CARD6: variants seen among roughly 807,000 people sequenced by gnomAD.
CARD6 encodes the protein caspase recruitment domain-containing protein 6.
Under a neutral mutation model 23.6 loss-of-function variants are expected in CARD6, and 27 were observed. The observed-to-expected ratio is 1.14, with a 90% confidence interval of 0.84 to 1.58. The LOEUF (loss-of-function observed/expected upper bound fraction) is 1.58. Among genes scored for constraint, CARD6 ranks in the 40% most tolerant of loss-of-function variants. CARD6 has a pLI of 0.00. For synonymous variants in CARD6, 397 were observed against 431.8 expected (o/e 0.92, Z 1.00); for missense variants, 1,214 against 1,209.9 (o/e 1.00, Z -0.05).
intron 2 of CARD6, among the ~76,000 whole-genome samples, chr5:40,849,823 A>C (rs999197303): frequency 1.3e-5 from 2 of 152,012 alleles, no homozygotes; most frequent in Admixed American, 1.3e-4. Flanking sequence ...AAATGAAGAA[A>C]TGAAAAGTTA....
Position 40,853,152 on chromosome 5 carries a change from T to C in CARD6, c.1820T>C (p.Leu607Pro). Residue 607 changes from leucine (L) to proline (P), a missense_variant, in exon 3 of 3, where the codon CTA becomes CCA. Physicochemically the swap from Leu to Pro is moderately conservative, Grantham distance 98 (BLOSUM62 -3). Coordinates refer to ENST00000254691, the MANE Select transcript of CARD6 (RefSeq NM_032587.4). ...ATACTGAACTTGAAGCCAGCACAGC[T>C]ACTGTTTTGGGAGAGGGGAGATGCT... ...QRILNLKPAQ[L>P]LFWERGDAGD... 6.2e-7 allele frequency: 1 copy of C among 1,614,178 alleles called. No homozygotes were observed. The highest frequency in any genetic ancestry group is 1.1e-5 in the South Asian group (1 of 91,082).
chr5:40,852,259 C>G lies in CARD6; in HGVS notation c.927C>G (p.Phe309Leu), dbSNP rs772684643. 1.9e-6 allele frequency: 3 copies of G among 1,614,130 alleles called. No individual in the cohort carries two copies. In the South Asian group the frequency reaches 3.3e-5, roughly 18 times the overall value. ...TTCTGCCAGATTTTGTTAAACAATTCTCCTTAGATCGAGGATGTAAGTGGA... is the reference window on the plus strand; with the variant it reads ...TTCTGCCAGATTTTGTTAAACAATTGTCCTTAGATCGAGGATGTAAGTGGA... ...RKVLPDFVKQ[F>L]SLDRGCKWTP... Residue 309 changes from phenylalanine (F) to leucine (L), a missense_variant, in exon 3 of 3, where the codon TTC becomes TTG. Coordinates refer to ENST00000254691, the MANE Select transcript of CARD6 (RefSeq NM_032587.4).
chr5:40,853,061 G>A lies in CARD6; in HGVS notation c.1729G>A (p.Glu577Lys), dbSNP rs755991208. The A allele has an allele frequency of 1.9e-6, 3 of 1,614,054 alleles. No homozygotes were observed. The highest frequency in any genetic ancestry group is 2.2e-5 in the East Asian group (1 of 44,896). Residue 577 changes from glutamate to lysine, a missense_variant, in exon 3 of 3, where the codon GAA becomes AAA. By Grantham distance (56) the Glu-to-Lys change is moderately conservative. Coordinates refer to ENST00000254691, the MANE Select transcript of CARD6 (RefSeq NM_032587.4). ...AATGTTTTTAGGAGAGGCTGCCATT[G>A]AAAGATGCTACTTTGTTCTCAGTTC... is the stretch of plus-strand genomic sequence containing the variant. The part of the protein sequence containing the change: ...LLMFLGEAAI[E>K]RCYFVLSSQA...
rs1746083191 is a variant in CARD6 at position 40,852,400 on chromosome 5, G to A, written c.1068G>A (p.Glu356=). ...SHKVLDEDSK[E]DLLAGVENLE... ...AGGTTCTGGATGAAGATAGCAAGGA[G>A]GATTTGCTGGCTGGAGTGGAGAATT... Residue 356 remains glutamate, a synonymous_variant, in exon 3 of 3, where the codon GAG becomes GAA. Coordinates refer to ENST00000254691, the MANE Select transcript of CARD6 (RefSeq NM_032587.4). The A allele has an allele frequency of 6.2e-7, 1 of 1,614,100 alleles. No homozygotes were observed. The highest frequency in any genetic ancestry group is 8.5e-7 in the Non-Finnish European group (1 of 1,179,980).
At position 40,852,458 on chromosome 5, in the gene CARD6, C is replaced by T. The variant is rs1746085160; in HGVS notation, c.1126C>T (p.Leu376Phe). 3.7e-6 allele frequency: 6 copies of T among 1,614,176 alleles called. No individual in the cohort carries two copies. The highest frequency in any genetic ancestry group is 2.2e-5 in the East Asian group (1 of 44,888). Residue 376 changes from leucine to phenylalanine, a missense_variant, in exon 3 of 3, where the codon CTT becomes TTT. Transcript: ENST00000254691. ...TCGAGACATACAAACCATTAATCCC[C>T]TTGACGTGCTTTGTGCCACCATGCT... ...EIRDIQTINPLDVLCATMLCS... is the reference protein window; with the variant it reads ...EIRDIQTINPFDVLCATMLCS...
At chr5:40,848,290 G>A (rs1358511327) in intron 2 of CARD6, among the ~76,000 whole-genome samples, 1 of 148,744 alleles carries the variant, frequency 6.7e-6, no homozygotes, top group Non-Finnish European at 1.5e-5. Flanking sequence ...GCTCACTGCA[G>A]CCTCAGTCTC....
chr5:40,851,457 C>T (rs982450130), intron 2 of CARD6, among the ~76,000 whole-genome samples: 6 of 152,072 alleles, frequency 3.9e-5, no homozygotes, highest in South Asian at 2.1e-4. Flanking sequence ...CCCCTAAAAA[C>T]GAAGCTGACT....
chr5:40,853,068 G>C lies in CARD6; in HGVS notation c.1736G>C (p.Cys579Ser), dbSNP rs149257124. The C allele has an allele frequency of 4.3e-6, 7 of 1,614,126 alleles. No individual in the cohort carries two copies. Among genetic ancestry groups the C allele is most frequent in the Non-Finnish European group, 5.9e-6 (7 of 1,180,020 alleles). ...TTAGGAGAGGCTGCCATTGAAAGAT[G>C]CTACTTTGTTCTCAGTTCCCAAGCC... Reference protein sequence around the residue: ...MFLGEAAIERCYFVLSSQARE... With the variant: ...MFLGEAAIERSYFVLSSQARE... Residue 579 changes from cysteine to serine, a missense_variant, in exon 3 of 3, where the codon TGC becomes TCC. By Grantham distance (112) the Cys-to-Ser change is moderately radical (BLOSUM62 -1). Transcript: ENST00000254691.
chr5:40,848,243 T>C (rs1221312261), intron 2 of CARD6, among the ~76,000 whole-genome samples: 2 of 148,386 alleles, frequency 1.3e-5, no homozygotes, highest in Non-Finnish European at 3.0e-5. Context: ...AGAGTCTTAC[T>C]CTGTTGCTCA....
intron 2 of CARD6, among the ~76,000 whole-genome samples, chr5:40,846,453 T>A (rs1280613485): frequency 6.6e-6 from 1 of 152,106 alleles, no homozygotes; most frequent in Non-Finnish European, 1.5e-5. Flanking sequence ...TCTGTATCTG[T>A]TTCCTAGGGC....
intron 2 of CARD6, among the ~76,000 whole-genome samples, chr5:40,851,043 A>T (rs1460144308): frequency 1.3e-5 from 2 of 152,116 alleles, no homozygotes; most frequent in African/African-American, 4.8e-5. Context: ...TGTAAAAAAA[A>T]ATAGCATGGG....
rs763376155 is a variant in CARD6 at position 40,852,677 on chromosome 5, C to T, written c.1345C>T (p.Leu449Phe). 6.2e-7 allele frequency: 1 copy of T among 1,614,174 alleles called. No homozygotes were observed. Among genetic ancestry groups the T allele is most frequent in the East Asian group, 2.2e-5 (1 of 44,880 alleles). The stretch of plus-strand genomic sequence containing the variant: ...AGAGGATACAGAAAAGTTTCTGACT[C>T]TCATGAAGATGCCTGTCATCTCTTT... Reference protein sequence around the residue: ...PTEDTEKFLTLMKMPVISFVR... With the variant: ...PTEDTEKFLTFMKMPVISFVR... The change falls in exon 3 of 3, where the codon CTC becomes TTC. Residue 449 changes from leucine to phenylalanine, a missense_variant. Physicochemically the swap from Leu to Phe is conservative, Grantham distance 22. Transcript: ENST00000254691.
At chr5:40,842,962 C>T (rs1326317062) in intron 1 of CARD6, among the ~76,000 whole-genome samples, 190 bp from the exon 2 acceptor site, 4 of 152,086 alleles carry the variant, frequency 2.6e-5, no homozygotes, top group Admixed American at 1.3e-4. Context: ...CACCTGAACC[C>T]GGGAGGTTGA....
Position 40,843,401 on chromosome 5 carries a change from A to G in CARD6, c.533A>G (p.Tyr178Cys). 6.2e-7 allele frequency: 1 copy of G among 1,614,132 alleles called. No homozygotes were observed. Among genetic ancestry groups the G allele is most frequent in the Non-Finnish European group, 8.5e-7 (1 of 1,179,996 alleles). The change falls in exon 2 of 3, where the codon TAT becomes TGT. Residue 178 changes from tyrosine to cysteine, a missense_variant. Coordinates refer to ENST00000254691, the MANE Select transcript of CARD6 (RefSeq NM_032587.4). ...GACACACCAGAAGTCACATTATCATATTCAGTTGAGAAAGTTGGATGTGAA... is the reference window on the plus strand; with the variant it reads ...GACACACCAGAAGTCACATTATCATGTTCAGTTGAGAAAGTTGGATGTGAA... Reference protein sequence around the residue: ...EYDTPEVTLSYSVEKVGCEVP... With the variant: ...EYDTPEVTLSCSVEKVGCEVP...
Position 40,843,398 on chromosome 5 carries a change from C to A in CARD6, c.530C>A (p.Ser177Ter). Residue 177 changes from serine to a stop codon, truncating the protein, a stop_gained, in exon 2 of 3, where the codon TCA becomes TAA. Coordinates refer to ENST00000254691, the MANE Select transcript of CARD6 (RefSeq NM_032587.4). LOFTEE classifies it high-confidence loss of function. ...KEYDTPEVTL[S>*]YSVEKVGCEV... ...TATGACACACCAGAAGTCACATTAT[C>A]ATATTCAGTTGAGAAAGTTGGATGT... 5.0e-6 allele frequency: 8 copies of A among 1,614,064 alleles called. No homozygotes were observed. The highest frequency in any genetic ancestry group is 6.8e-6 in the Non-Finnish European group (8 of 1,179,974).
chr5:40,845,083 G>C (rs1561213506), intron 2 of CARD6, among the ~76,000 whole-genome samples: 1 of 152,008 alleles, frequency 6.6e-6, no homozygotes, highest in Admixed American at 6.6e-5. Context: ...GGCCAGGCTG[G>C]TCTCGAACTC....
At chr5:40,845,174 G>A (rs1352496827) in intron 2 of CARD6, among the ~76,000 whole-genome samples, 1 of 152,070 alleles carries the variant, frequency 6.6e-6, no homozygotes, top group Non-Finnish European at 1.5e-5. Flanking sequence ...GACAAGGGTT[G>A]GTTCCTTCTG....
chr5:40,844,614 A>G (rs1258705216), intron 2 of CARD6, among the ~76,000 whole-genome samples: 2 of 152,174 alleles, frequency 1.3e-5, no homozygotes, highest in African/African-American at 4.8e-5. Flanking sequence ...AGACATCACT[A>G]AGTTCTGAGT....
chr5:40,841,478 GT>G lies in CARD6; in HGVS notation c.98del (p.Leu33Ter). The part of the protein sequence containing the change: ...QHDPDSILDT[L>X]TSRRLISEEE... ...ATGATCCTGATTCTATCTTAGACAC[GT>G]TAACTTCTCGGAGGCTGATTTCTGA... On this transcript the variant is annotated frameshift_variant, in exon 1 of 3. Transcript: ENST00000254691. LOFTEE classifies it high-confidence loss of function. The G allele has an allele frequency of 6.2e-7, 1 of 1,613,930 alleles. No homozygotes were observed. Among genetic ancestry groups the G allele is most frequent in the Non-Finnish European group, 8.5e-7 (1 of 1,179,938 alleles).
Sources: gnomAD v4.1 joint callset for allele counts (sites outside exome capture counted in the v4.1 genomes callset) on GRCh38, gnomAD v4.1.1 for gene constraint, MANE v1.5 for transcripts, NCBI Gene and HGNC (gene_info 2026-07-23, HGNC 2026-07-21) for gene names.